SHANK2: variants seen among roughly 807,000 people sequenced by gnomAD.
SHANK2 encodes SH3 and multiple ankyrin repeat domains protein 2.
SHANK2 carries 43 observed loss-of-function variants against 133.7 expected under a neutral mutation model. The ratio of observed to expected loss-of-function variants is 0.32; its 90% CI spans 0.25 to 0.41. The LOEUF is 0.41. SHANK2 is among the 10% of genes least tolerant of loss of function. SHANK2 has a pLI of 1.00. For missense variants in SHANK2, 1,994 were observed against 2,235.8 expected (o/e 0.89, Z 2.18); for synonymous variants, 1,017 against 952.8 (o/e 1.07, Z -1.24).
chr11:71,072,617 T>C (rs1435432529), intron 9 of SHANK2, among the ~76,000 whole-genome samples: 1 of 152,010 alleles, frequency 6.6e-6, no homozygotes, highest in Non-Finnish European at 1.5e-5. Flanking sequence ...TCCACGACAC[T>C]CAAAAGGTGG....
intron 17 of SHANK2, among the ~76,000 whole-genome samples, chr11:70,522,916 C>T (rs562320225): frequency 2.6e-5 from 4 of 152,228 alleles, no homozygotes; most frequent in East Asian, 3.9e-4. Context: ...GCCCCGGCAA[C>T]GTGCGGCCGC....
chr11:70,818,321 A>G (rs1413470017), intron 12 of SHANK2, among the ~76,000 whole-genome samples: 5 of 152,012 alleles, frequency 3.3e-5, no homozygotes, highest in African/African-American at 9.7e-5. Flanking sequence ...AAACACATAC[A>G]CACATGCACA....
chr11:71,237,852 T>C (rs57661690), intron 1 of SHANK2, among the ~76,000 whole-genome samples: 14,170 of 152,122 alleles, frequency 0.093, 690 homozygotes, highest in Middle Eastern at 0.14. Flanking sequence ...TCATCCATGT[T>C]AGGAAAAGCC....
At chr11:70,668,652 T>A (rs1944727920) in intron 15 of SHANK2, 1 of 152,428 alleles carries the variant, frequency 6.6e-6, no homozygotes, top group African/African-American at 2.4e-5. Context: ...CCTTCAACAG[T>A]GCAGGACGTG....
intron 14 of SHANK2, among the ~76,000 whole-genome samples, chr11:70,781,365 C>G (rs1277335210): frequency 6.6e-6 from 1 of 151,014 alleles, no homozygotes; most frequent in Admixed American, 6.6e-5. Flanking sequence ...CCTCAGAGCC[C>G]CATGGTACCC....
At chr11:71,168,996 T>G (rs1555111690) in intron 2 of SHANK2, among the ~76,000 whole-genome samples, 1 of 152,184 alleles carries the variant, frequency 6.6e-6, no homozygotes, top group African/African-American at 2.4e-5. Flanking sequence ...CTGAAGGTAT[T>G]CGGTTGGTGC....
intron 3 of SHANK2, among the ~76,000 whole-genome samples, chr11:71,122,297 C>A (rs1555101617): frequency 6.6e-6 from 1 of 152,136 alleles, no homozygotes; most frequent in Non-Finnish European, 1.5e-5. Context: ...ACATATACAC[C>A]ATGGAATACT....
At chr11:71,086,080 TATATA>T (rs1358780284) in intron 8 of SHANK2, among the ~76,000 whole-genome samples, 7 of 24,946 alleles carry the variant, frequency 2.8e-4, no homozygotes, top group Admixed American at 8.7e-4. Flanking sequence ...TATATTATGT[TATATA>T]ATATATTAAA....
At chr11:71,113,599 C>A (rs546219777) in intron 4 of SHANK2, among the ~76,000 whole-genome samples, 94 of 152,286 alleles carry the variant, frequency 6.2e-4, no homozygotes, top group African/African-American at 2.0e-3. Context: ...GAAACAGGAG[C>A]AAGGGGAAGG....
At chr11:70,791,642 TTC>T (rs1173271462) in intron 14 of SHANK2, among the ~76,000 whole-genome samples, 7 of 152,294 alleles carry the variant, frequency 4.6e-5, no homozygotes, top group African/African-American at 1.7e-4. Context: ...CCGGATATGT[TTC>T]TGTTTCCCCA....
intron 2 of SHANK2, among the ~76,000 whole-genome samples, chr11:71,210,225 T>TATATATATATATATATATATATATAC (rs1954232148): frequency 1.5e-5 from 1 of 66,420 alleles, no homozygotes; most frequent in Non-Finnish European, 3.0e-5. Flanking sequence ...TATATATATA[T>TATATATATATATATATATATATATAC]ATATATATAT....
intron 2 of SHANK2, among the ~76,000 whole-genome samples, chr11:71,180,547 A>T (rs1555113620): frequency 6.6e-6 from 1 of 152,146 alleles, no homozygotes; most frequent in African/African-American, 2.4e-5. Context: ...GGTTGCAAAG[A>T]AAAAAAGAAA....
chr11:71,139,473 G>A (rs1257727706), intron 3 of SHANK2, among the ~76,000 whole-genome samples: 24 of 151,952 alleles, frequency 1.6e-4, no homozygotes, highest in African/African-American at 5.3e-4. Flanking sequence ...TGCACATTGT[G>A]CACATGGACC....
In SHANK2 at chr11:70,673,577, A is replaced by G. The variant is rs564627193; in HGVS notation, c.1854-11899T>C. Reference sequence around the variant, plus strand: ...GAAATGTCCTCCTCTCCCGGGAACCAGACTCAGTGTGACAGTCACCTGATG... The same window carrying G: ...GAAATGTCCTCCTCTCCCGGGAACCGGACTCAGTGTGACAGTCACCTGATG... On this transcript the variant is annotated intron_variant, in intron 15 of 25. Transcript: ENST00000601538. 3.3e-5 allele frequency among the ~76,000 whole-genome samples: 5 copies of G among 152,374 alleles called. No individual in the cohort carries two copies. The South Asian group carries it at 1.0e-3, about 32-fold the overall frequency.
rs1321254027 is a variant in SHANK2 at position 71,210,209 on chromosome 11, G to GGT, written c.-13+14486_-13+14487dup. ...TGGTCCTCTTCATTGGAAATCCACA[G>GGT]GTATATATATATATATATATATATA... On this transcript the variant is annotated intron_variant, in intron 2 of 25. Transcript: ENST00000601538. Among the ~76,000 whole-genome samples the GGT allele has an allele frequency of 3.4e-3, 122 of 35,630 alleles. 6 individuals carry two copies. The highest frequency in any genetic ancestry group is 0.027 in the East Asian group (19 of 714). The allele number at this position is 35,630 out of a possible 152,430, so 23.4% of individuals were successfully genotyped here.
intron 10 of SHANK2, among the ~76,000 whole-genome samples, chr11:70,915,147 G>T (rs371588236): frequency 6.6e-6 from 1 of 152,006 alleles, no homozygotes; most frequent in Non-Finnish European, 1.5e-5. Context: ...TGCGGGACAC[G>T]TTCATCCTCA....
At chr11:71,174,488 T>C (rs1387146480) in intron 2 of SHANK2, among the ~76,000 whole-genome samples, 1 of 151,874 alleles carries the variant, frequency 6.6e-6, no homozygotes, top group Non-Finnish European at 1.5e-5. Context: ...GAGACCAGCT[T>C]GGCCAACATG....
intron 17 of SHANK2, among the ~76,000 whole-genome samples, chr11:70,581,181 T>C (rs1554985354): frequency 6.6e-6 from 1 of 152,180 alleles, no homozygotes; most frequent in Admixed American, 6.5e-5. Context: ...AGTCTAGCGT[T>C]TGAAGGGCAA....
chr11:70,916,925 T>C (rs1368590800), intron 10 of SHANK2, among the ~76,000 whole-genome samples: 3 of 152,122 alleles, frequency 2.0e-5, no homozygotes, highest in Admixed American at 6.5e-5. Context: ...AAGCACCAGG[T>C]GCATGTGGGG....
Sources: allele counts gnomAD v4.1 joint callset (sites outside exome capture counted in the v4.1 genomes callset), GRCh38; gene constraint gnomAD v4.1.1; transcripts MANE v1.5; gene names NCBI Gene and HGNC (gene_info 2026-07-23, HGNC 2026-07-21).